Variants in DLGAP2 observed in about 807,000 individuals in gnomAD.
The protein encoded by DLGAP2 is DLG associated protein 2, also known as disks large-associated protein 2.
DLGAP2 carries 26 observed loss-of-function variants against 100.3 expected under a neutral mutation model. That is an observed-to-expected ratio of 0.26 (90% CI 0.19 to 0.36). DLGAP2 has a LOEUF of 0.36. Among genes scored for constraint, DLGAP2 ranks in the 10% least tolerant of loss-of-function variants. The pLI is 1.00. For synonymous variants in DLGAP2, 886 were observed against 630.1 expected, an observed-to-expected ratio of 1.41 and a Z score of -6.08; for missense variants, 1,858 against 1,453.2, an observed-to-expected ratio of 1.28 and a Z score of -4.53.
chr8:768,534 C>T (rs527405200), intron 1 of DLGAP2, among the ~76,000 whole-genome samples: 4 of 150,020 alleles, frequency 2.7e-5, no homozygotes, highest in South Asian at 4.3e-4. Context: ...AAGTGATTCT[C>T]CTGCCTCAGC....
intron 1 of DLGAP2, among the ~76,000 whole-genome samples, chr8:804,756 A>G (rs1796235716): frequency 6.6e-6 from 1 of 151,930 alleles, no homozygotes; most frequent in East Asian, 1.9e-4. Flanking sequence ...AGTTAATATC[A>G]CTTCTTTTTC....
chr8:1,501,453 C>T (rs780171222), intron 4 of DLGAP2, 22 bp downstream of exon 4: 76 of 1,535,198 alleles, frequency 5.0e-5, no homozygotes, highest in Middle Eastern at 3.4e-4. Flanking sequence ...ACGTCAGCCC[C>T]GCTCTGGCGG....
At chr8:953,363 T>C (rs960139122) in intron 2 of DLGAP2, among the ~76,000 whole-genome samples, 3 of 152,066 alleles carry the variant, frequency 2.0e-5, no homozygotes, top group African/African-American at 4.8e-5. Flanking sequence ...CCGGCTAATT[T>C]TTGTATTTTT....
intron 3 of DLGAP2, among the ~76,000 whole-genome samples, chr8:1,488,304 A>T (rs544894666): frequency 7.4e-4 from 113 of 152,270 alleles, no homozygotes; most frequent in African/African-American, 2.6e-3. Context: ...AGGAGGACGC[A>T]GCGGGGTGGC....
intron 3 of DLGAP2, among the ~76,000 whole-genome samples, chr8:1,292,396 G>C (rs1029670686): frequency 9.8e-5 from 15 of 152,324 alleles, no homozygotes; most frequent in Admixed American, 2.0e-4. Flanking sequence ...CAGTCAGGGA[G>C]AGCTGCCTCC....
chr8:990,365 ACCC>A (rs1251266270), intron 2 of DLGAP2, among the ~76,000 whole-genome samples: 1 of 94,280 alleles, frequency 1.1e-5, no homozygotes, highest in Non-Finnish European at 2.1e-5. Flanking sequence ...CCTTGCCCGG[ACCC>A]CCTGCACCCC....
At chr8:1,547,773 A>T (rs990683075) in intron 4 of DLGAP2, among the ~76,000 whole-genome samples, 7 of 152,178 alleles carry the variant, frequency 4.6e-5, no homozygotes, top group African/African-American at 1.7e-4. Context: ...GGACACAGGG[A>T]GGAGTCAAGC....
chr8:809,753 G>A (rs983320744), intron 1 of DLGAP2, among the ~76,000 whole-genome samples: 1 of 152,170 alleles, frequency 6.6e-6, no homozygotes, highest in East Asian at 1.9e-4. Context: ...CTTGGAGAGA[G>A]AGCGTGACCA....
intron 8 of DLGAP2, among the ~76,000 whole-genome samples, chr8:1,656,894 T>A (rs554279265): frequency 6.6e-6 from 1 of 152,322 alleles, no homozygotes; most frequent in East Asian, 1.9e-4. Context: ...CACCAACTTA[T>A]GCGATCCCTG....
At chr8:1,192,832 C>T (rs1283090913) in intron 2 of DLGAP2, among the ~76,000 whole-genome samples, 1 of 151,954 alleles carries the variant, frequency 6.6e-6, no homozygotes, top group Non-Finnish European at 1.5e-5. Flanking sequence ...CTCCCCCCAC[C>T]CCACAACAGG....
At chr8:943,797 C>T (rs140723781) in intron 2 of DLGAP2, among the ~76,000 whole-genome samples, 19 of 152,392 alleles carry the variant, frequency 1.2e-4, no homozygotes, top group East Asian at 1.9e-4. Flanking sequence ...TTTGATCTAA[C>T]GCACTATTTA....
At chr8:1,529,636 T>C (rs966069701) in intron 4 of DLGAP2, among the ~76,000 whole-genome samples, 5 of 152,226 alleles carry the variant, frequency 3.3e-5, no homozygotes, top group Non-Finnish European at 7.3e-5. Context: ...ACTGCTGATA[T>C]GGTGAACATT....
At chr8:1,117,986 A>C (rs560620897) in intron 2 of DLGAP2, among the ~76,000 whole-genome samples, 5 of 152,364 alleles carry the variant, frequency 3.3e-5, no homozygotes, top group African/African-American at 1.2e-4. Context: ...AATAGTTCCA[A>C]TGAAATTATA....
chr8:1,640,597 G>C (rs1022016670), intron 8 of DLGAP2, among the ~76,000 whole-genome samples: 1 of 152,054 alleles, frequency 6.6e-6, no homozygotes, highest in Non-Finnish European at 1.5e-5. Flanking sequence ...CTTCAGCAAA[G>C]CTCCATGTTG....
intron 2 of DLGAP2, among the ~76,000 whole-genome samples, chr8:945,036 C>G (rs1799285737): frequency 6.6e-6 from 1 of 152,186 alleles, no homozygotes. Context: ...GTGACTAATT[C>G]AAGAGCAAAG....
Position 1,548,643 on chromosome 8 carries a change from T to C in DLGAP2, c.190T>C (p.Ser64Pro), listed in dbSNP as rs1801634820. ...CCCCACAGACCCGCAGTACTCATGG[T>C]CGCCCACGCAGCACTTCAATGAGGA... ...EEDLDPQYSW[S>P]PTQHFNEERY... Residue 64 changes from serine to proline, a missense_variant, in exon 5 of 15, where the codon TCG (serine) becomes CCG (proline). By Grantham distance (74) the Ser-to-Pro change is moderately conservative (BLOSUM62 -1). Coordinates refer to ENST00000637795, the MANE Select transcript of DLGAP2 (RefSeq NM_001346810.2). 6.4e-7 allele frequency: 1 copy of C among 1,553,418 alleles called. No homozygotes were observed. Among genetic ancestry groups the C allele is most frequent in the African/African-American group, 1.4e-5 (1 of 73,194 alleles).
At chr8:1,024,897 CT>C (rs1801746804) in intron 2 of DLGAP2, among the ~76,000 whole-genome samples, 1 of 152,162 alleles carries the variant, frequency 6.6e-6, no homozygotes, top group Non-Finnish European at 1.5e-5. Flanking sequence ...TAAGGGGAAG[CT>C]GGGATAGAAC....
At chr8:769,474 CAA>C (rs1821301338) in intron 1 of DLGAP2, among the ~76,000 whole-genome samples, 1 of 152,064 alleles carries the variant, frequency 6.6e-6, no homozygotes, top group South Asian at 2.1e-4. Context: ...AAAAATGAAA[CAA>C]TAGAGAATCC....
rs192490045 is a variant in DLGAP2 at position 759,532 on chromosome 8, T to C, written c.18+21707T>C. Among the ~76,000 whole-genome samples, 234 of 151,686 alleles carry C rather than the reference T, an allele frequency of 1.5e-3. 1 individual carries two copies. The highest frequency in any genetic ancestry group is 5.1e-3 in the African/African-American group (209 of 41,300). On this transcript the variant is annotated intron_variant, in intron 1 of 14. Coordinates refer to ENST00000637795, the MANE Select transcript of DLGAP2 (RefSeq NM_001346810.2). ...CTCCTGGGCTGCACATTCCTGGGGT[T>C]GGGACGGGTGTGCACAGGTGTGTGT...
Sources: gnomAD v4.1 joint callset for allele counts (sites outside exome capture counted in the v4.1 genomes callset) on GRCh38, gnomAD v4.1.1 for gene constraint, MANE v1.5 for transcripts, NCBI Gene and HGNC (gene_info 2026-07-23, HGNC 2026-07-21) for gene names.